The following YEATS2 variants were observed in gnomAD, a reference collection of about 807,000 sequenced individuals.
YEATS2 encodes YEATS domain-containing protein 2.
In YEATS2, 77 loss-of-function variants were observed where a neutral mutation model predicts 163.2. That is an observed-to-expected ratio of 0.47 (90% confidence interval 0.39 to 0.57). The LOEUF is 0.57. Ranked by LOEUF, YEATS2 falls within the 20% of genes least tolerant of loss-of-function variation. The probability of loss-of-function intolerance (pLI) is 0.00; values close to 1 mark genes in which losing one functional copy is unlikely to be tolerated. For missense variants in YEATS2, 1,549 were observed against 1,729.8 expected (o/e 0.90, Z 1.85); for synonymous variants, 631 against 645.1 (o/e 0.98, Z 0.33).
chr3:183,715,048 G>A lies in YEATS2; in HGVS notation c.-19-96G>A, dbSNP rs1027822884. 4.2e-5 allele frequency: 27 copies of A among 649,924 alleles called. No homozygotes were observed. In the African/African-American group the frequency reaches 4.3e-4, roughly 10 times the overall value. The allele number at this position is 649,924 out of a possible 1,614,324, so 40.3% of individuals were successfully genotyped here. On this transcript the variant is annotated intron_variant, in intron 1 of 30. Transcript: ENST00000305135. ...TAATATTTATTTATTTATTTTGTTT[G>A]TACACATATATTTGTAAGTACTGGT...
At chr3:183,757,526 T>C (rs262995) in intron 12 of YEATS2, among the ~76,000 whole-genome samples, 66,418 of 151,900 alleles carry the variant, frequency 0.44, 14,925 homozygotes, top group East Asian at 0.65. Flanking sequence ...CCAATCCACC[T>C]GCCTCAGCCT....
chr3:183,735,779 C>T (rs1486105546), intron 7 of YEATS2, among the ~76,000 whole-genome samples: 2 of 152,006 alleles, frequency 1.3e-5, no homozygotes, highest in African/African-American at 2.4e-5. Flanking sequence ...CTCCGCCCCC[C>T]GGGTTCAAGC....
chr3:183,799,901 C>T (rs1268520741), intron 23 of YEATS2, among the ~76,000 whole-genome samples: 8 of 147,676 alleles, frequency 5.4e-5, no homozygotes, highest in Non-Finnish European at 8.9e-5. Flanking sequence ...GGCACAGTCT[C>T]GGCTCAATGC....
intron 7 of YEATS2, among the ~76,000 whole-genome samples, chr3:183,730,532 G>GT (rs958930303): frequency 4.6e-5 from 7 of 151,896 alleles, no homozygotes; most frequent in East Asian, 1.9e-4. Flanking sequence ...GATGGTGGCT[G>GT]TTTTTTTTGC....
Position 183,736,947 on chromosome 3 carries a change from T to G in YEATS2, c.924+118T>G. 6 of 795,400 alleles carry G rather than the reference T, an allele frequency of 7.5e-6. No homozygotes were observed. In the South Asian group the frequency reaches 9.6e-5, roughly 13 times the overall value. 49.3% of individuals were successfully genotyped at this position (795,400 alleles called of 1,614,324 possible). On this transcript the variant is annotated intron_variant, in intron 8 of 30. Transcript: ENST00000305135. ...GCATTAAAAAATTCACATACAACTT[T>G]CGACTCCCCCAAAACTTAACTATTA...
chr3:183,810,821 T>A lies in YEATS2; in HGVS notation c.*238T>A, dbSNP rs1726733455. 2 of 500,710 alleles carry A rather than the reference T, an allele frequency of 4.0e-6. No homozygotes were observed. The highest frequency in any genetic ancestry group is 7.3e-6 in the Non-Finnish European group (2 of 275,032). 31.0% of individuals were successfully genotyped at this position (500,710 alleles called of 1,614,324 possible). On this transcript the variant is annotated 3_prime_UTR_variant, in exon 31 of 31. Transcript: ENST00000305135. ...AGGCTGTCAGTGGATCCGTGCTTTG[T>A]CGGCCAGCGTTTCTGCAGTCTTTGT...
At chr3:183,707,678 ATTTTTTTTTTTT>A (rs1176429941) in intron 1 of YEATS2, among the ~76,000 whole-genome samples, 1 of 106,158 alleles carries the variant, frequency 9.4e-6, no homozygotes, top group Non-Finnish European at 1.9e-5. Context: ...TTCCCCACCT[ATTTTTTTTTTTT>A]TTTTTTTTTT....
chr3:183,700,479 T>A (rs1443328976), intron 1 of YEATS2, among the ~76,000 whole-genome samples: 1 of 152,224 alleles, frequency 6.6e-6, no homozygotes, highest in Admixed American at 6.5e-5. Context: ...CCTTTGGTCC[T>A]GCTCTGCTTT....
intron 7 of YEATS2, among the ~76,000 whole-genome samples, chr3:183,732,829 G>C (rs1463524863): frequency 6.6e-6 from 1 of 152,132 alleles, no homozygotes; most frequent in East Asian, 1.9e-4. Context: ...AAAGTGCTGG[G>C]ATTACAGGCG....
At chr3:183,788,116 TGGG>T (rs1165896558) in intron 20 of YEATS2, among the ~76,000 whole-genome samples, 4 of 152,194 alleles carry the variant, frequency 2.6e-5, no homozygotes, top group African/African-American at 9.7e-5. Context: ...TCAGGGTAAT[TGGG>T]GTATCTGTCA....
At chr3:183,785,691 G>T (rs550145579) in intron 19 of YEATS2, among the ~76,000 whole-genome samples, 1 of 151,998 alleles carries the variant, frequency 6.6e-6, no homozygotes, top group African/African-American at 2.4e-5. Flanking sequence ...TATGTAATTT[G>T]TAAATGGTTC....
At chr3:183,788,904 C>T (rs1271067708) in intron 20 of YEATS2, among the ~76,000 whole-genome samples, 1 of 151,996 alleles carries the variant, frequency 6.6e-6, no homozygotes, top group Admixed American at 6.6e-5. Context: ...TTTATATGCC[C>T]CTTGGGCCAT....
intron 21 of YEATS2, chr3:183,793,492 A>ACCCTTT (rs11281085): frequency 6.2e-6 from 6 of 963,714 alleles, no homozygotes; most frequent in Non-Finnish European, 7.4e-6. Context: ...AATAATGAAT[A>ACCCTTT]CCTTGTCTGT....
rs191498345 is a variant in YEATS2, at chr3:183,731,846, T to C, written c.812+2995T>C. Among the ~76,000 whole-genome samples the C allele has an allele frequency of 9.2e-5, 14 of 152,372 alleles. No individual in the cohort carries two copies. The East Asian group carries it at 2.7e-3, about 29-fold the overall frequency. ...ACAGTGTTGCAAAGATGGTCTGCTG[T>C]GCCACGCCTGAGCAGTTAGCTGTTC... On this transcript the variant is annotated intron_variant, in intron 7 of 30. Coordinates refer to ENST00000305135, the MANE Select transcript of YEATS2 (RefSeq NM_018023.5).
chr3:183,706,190 T>G (rs73174086), intron 1 of YEATS2, among the ~76,000 whole-genome samples: 108 of 152,126 alleles, frequency 7.1e-4, no homozygotes, highest in Middle Eastern at 3.4e-3. Context: ...GGAATCTGAT[T>G]AAGCTAACCT....
At chr3:183,747,579 C>G in intron 8 of YEATS2, 93 bp from the exon 9 acceptor site, 6 of 1,020,746 alleles carry the variant, frequency 5.9e-6, no homozygotes, top group Non-Finnish European at 8.7e-6. Context: ...GGTATGAAGA[C>G]TTGCAAAAGA....
At chr3:183,712,468 C>T (rs1264456333) in intron 1 of YEATS2, among the ~76,000 whole-genome samples, 2 of 151,914 alleles carry the variant, frequency 1.3e-5, no homozygotes, top group African/African-American at 4.8e-5. Flanking sequence ...GCCTGAGCCT[C>T]CTAGAGTGGT....
chr3:183,775,777 A>G, intron 17 of YEATS2, 138 bp from the exon 18 acceptor site: 1 of 1,313,012 alleles, frequency 7.6e-7, no homozygotes. Flanking sequence ...TAGGTAGATT[A>G]CAGAAAAGAC....
Position 183,752,059 on chromosome 3 carries a change from G to A in YEATS2, c.970-14G>A. On this transcript the variant is annotated splice_polypyrimidine_tract_variant and intron_variant, in intron 9 of 30. Transcript: ENST00000305135. ...TGATGGACTCATGAGCCTGATTGTT[G>A]CCCAATTGTCTAGGTAGTGGATGTT... The A allele has an allele frequency of 6.2e-7, 1 of 1,613,442 alleles. No homozygotes were observed. The highest frequency in any genetic ancestry group is 8.5e-7 in the Non-Finnish European group (1 of 1,179,738).
Sources: allele counts gnomAD v4.1 joint callset (sites outside exome capture counted in the v4.1 genomes callset), GRCh38; gene constraint gnomAD v4.1.1; transcripts MANE v1.5; gene names NCBI Gene and HGNC (gene_info 2026-07-23, HGNC 2026-07-21).